Variants in PPP2R5E observed in about 807,000 individuals in gnomAD.
PPP2R5E encodes the protein serine/threonine-protein phosphatase 2A 56 kDa regulatory subunit epsilon isoform.
In PPP2R5E, 4 loss-of-function variants were observed where a neutral mutation model predicts 65.3. The ratio of observed to expected loss-of-function variants is 0.06; its 90% CI spans 0.03 to 0.14. The LOEUF is 0.14. Ranked by LOEUF, PPP2R5E falls within the 10% of genes least tolerant of loss-of-function variation. PPP2R5E has a pLI of 1.00. For synonymous variants in PPP2R5E, 183 were observed against 187.4 expected, an observed-to-expected ratio of 0.98 and a Z score of 0.19; for missense variants, 274 against 556.1, an observed-to-expected ratio of 0.49 and a Z score of 5.10.
chr14:63,481,151 AT>A (rs1890676511), intron 2 of PPP2R5E, among the ~76,000 whole-genome samples: 1 of 152,104 alleles, frequency 6.6e-6, no homozygotes, highest in South Asian at 2.1e-4. Flanking sequence ...CCTATCTCTT[AT>A]TTATATAATT....
intron 5 of PPP2R5E, among the ~76,000 whole-genome samples, chr14:63,405,140 A>C (rs1348308161): frequency 6.6e-6 from 1 of 152,198 alleles, no homozygotes; most frequent in Non-Finnish European, 1.5e-5. Flanking sequence ...TGAGTTATAC[A>C]CTGGACAGGA....
chr14:63,500,906 G>A (rs1481294995), intron 2 of PPP2R5E, among the ~76,000 whole-genome samples: 15 of 151,858 alleles, frequency 9.9e-5, no homozygotes, highest in East Asian at 1.9e-4. Flanking sequence ...ACATCCTAGC[G>A]TAACAGCAGC....
At chr14:63,463,838 C>T (rs1889633659) in intron 2 of PPP2R5E, among the ~76,000 whole-genome samples, 1 of 151,870 alleles carries the variant, frequency 6.6e-6, no homozygotes, top group Admixed American at 6.6e-5. Context: ...CCTCGTGATC[C>T]GCCTGCCTCG....
At chr14:63,495,838 G>GT (rs1381157458) in intron 2 of PPP2R5E, among the ~76,000 whole-genome samples, 15 of 151,748 alleles carry the variant, frequency 9.9e-5, no homozygotes, top group African/African-American at 3.4e-4. Flanking sequence ...AAACAGGCAT[G>GT]TACCACCTTG....
At chr14:63,459,294 C>T (rs74060534) in intron 2 of PPP2R5E, among the ~76,000 whole-genome samples, 5,273 of 152,248 alleles carry the variant, frequency 0.035, 313 homozygotes, top group African/African-American at 0.12. Context: ...ATCAATTTTA[C>T]CTCTACCTTT....
chr14:63,382,433 C>T (rs1384892278), intron 12 of PPP2R5E, among the ~76,000 whole-genome samples: 1 of 149,588 alleles, frequency 6.7e-6, no homozygotes, highest in African/African-American at 2.5e-5. Flanking sequence ...CGGAGTTTCG[C>T]TCTTGTTGCC....
chr14:63,529,399 C>T (rs550146450), intron 2 of PPP2R5E, among the ~76,000 whole-genome samples: 44 of 138,534 alleles, frequency 3.2e-4, no homozygotes, highest in Non-Finnish European at 5.0e-4. Context: ...CTCACTCTGT[C>T]GCCCAGGCTG....
chr14:63,382,266 A>C (rs1403885108), intron 12 of PPP2R5E, 109 bp from the exon 13 acceptor site: 5 of 684,248 alleles, frequency 7.3e-6, no homozygotes, highest in Non-Finnish European at 1.2e-5. Context: ...CGTACTGCAC[A>C]CTGTCTGTAT....
chr14:63,471,754 T>A (rs920035174), intron 2 of PPP2R5E, among the ~76,000 whole-genome samples: 2 of 152,172 alleles, frequency 1.3e-5, no homozygotes, highest in African/African-American at 4.8e-5. Flanking sequence ...CTGTACACTA[T>A]CCCACCTCTG....
chr14:63,460,183 G>C (rs1220730280), intron 2 of PPP2R5E, among the ~76,000 whole-genome samples: 1 of 152,158 alleles, frequency 6.6e-6, no homozygotes, highest in African/African-American at 2.4e-5. Context: ...ACTGTACTAA[G>C]CTCCTGACAC....
chr14:63,463,287 G>A (rs1212147018), intron 2 of PPP2R5E, among the ~76,000 whole-genome samples: 2 of 147,074 alleles, frequency 1.4e-5, no homozygotes, highest in African/African-American at 5.0e-5. Context: ...TTACAGGCAC[G>A]CACCACCACG....
At chr14:63,431,869 T>C (rs1398984967) in intron 3 of PPP2R5E, among the ~76,000 whole-genome samples, 2 of 152,184 alleles carry the variant, frequency 1.3e-5, no homozygotes, top group Non-Finnish European at 2.9e-5. Flanking sequence ...AAATATACTT[T>C]AGGAATAATT....
At chr14:63,392,827 G>C (rs1021520926) in intron 8 of PPP2R5E, among the ~76,000 whole-genome samples, 8 of 152,178 alleles carry the variant, frequency 5.3e-5, no homozygotes, top group African/African-American at 1.4e-4. Flanking sequence ...CTTCCCAATG[G>C]GGGGAAGAGG....
rs1412291681 is a variant in PPP2R5E, at chr14:63,372,896, G to A, written c.*3113C>T. The stretch of plus-strand genomic sequence containing the variant: ...GCATAACCCTGCTTGTGAGTATCCA[G>A]TGGCATCGAGGGTATTATTTATTTC... On this transcript the variant is annotated 3_prime_UTR_variant, in exon 14 of 14. Coordinates refer to ENST00000337537, the MANE Select transcript of PPP2R5E (RefSeq NM_006246.5). 6 of 152,104 alleles carry A rather than the reference G, an allele frequency of 3.9e-5. No individual in the cohort carries two copies. The East Asian group carries it at 9.6e-4, about 24-fold the overall frequency. The allele number at this position is 152,104 out of a possible 1,614,324, so 9.4% of individuals were successfully genotyped here.
At position 63,539,777 on chromosome 14, in the gene PPP2R5E, T is replaced by C; in HGVS notation, c.-7-85A>G. 5.2e-6 allele frequency: 7 copies of C among 1,337,008 alleles called. No individual in the cohort carries two copies. In the South Asian group the frequency reaches 7.1e-5, roughly 14 times the overall value. 82.8% of individuals were successfully genotyped at this position (1,337,008 alleles called of 1,614,324 possible). ...TTATACAAATTCTAAAATTCCCATA[T>C]ACAATATTCATGAAAATGGGAATAT... On this transcript the variant is annotated intron_variant, in intron 1 of 13. Coordinates refer to ENST00000337537, the MANE Select transcript of PPP2R5E (RefSeq NM_006246.5).
chr14:63,465,473 ACAAC>A (rs150551659), intron 2 of PPP2R5E, among the ~76,000 whole-genome samples: 2 of 77,382 alleles, frequency 2.6e-5, no homozygotes. Flanking sequence ...AAAAAAAAAA[ACAAC>A]AACTAACAAA....
intron 2 of PPP2R5E, among the ~76,000 whole-genome samples, chr14:63,522,290 G>A (rs975314358): frequency 6.6e-6 from 1 of 151,830 alleles, no homozygotes; most frequent in African/African-American, 2.4e-5. Flanking sequence ...ATCTCGGCTC[G>A]CTACAACCTC....
intron 2 of PPP2R5E, among the ~76,000 whole-genome samples, chr14:63,533,950 AAAAC>A (rs1444632900): frequency 2.6e-5 from 4 of 152,244 alleles, no homozygotes; most frequent in Non-Finnish European, 4.4e-5. Flanking sequence ...CTGTCTCAGA[AAAAC>A]AAACAAACAA....
At chr14:63,395,499 G>A (rs564266153) in intron 6 of PPP2R5E, among the ~76,000 whole-genome samples, 1 of 23,588 alleles carries the variant, frequency 4.2e-5, no homozygotes, top group Admixed American at 2.7e-4. Flanking sequence ...GGGGGGAAGA[G>A]AGGAGGAGGA....
Sources: allele counts gnomAD v4.1 joint callset (sites outside exome capture counted in the v4.1 genomes callset), GRCh38; gene constraint gnomAD v4.1.1; transcripts MANE v1.5; gene names NCBI Gene and HGNC (gene_info 2026-07-23, HGNC 2026-07-21).